The following NREP variants were observed in gnomAD, a reference collection of about 807,000 sequenced individuals.
NREP encodes neuronal regeneration-related protein.
In NREP, 5 loss-of-function variants were observed where a neutral mutation model predicts 8.6. The ratio of observed to expected loss-of-function variants is 0.58; its 90% confidence interval spans 0.30 to 1.22. The LOEUF (loss-of-function observed/expected upper bound fraction) is 1.22, where lower values mean the gene tolerates loss of function less well. Ranked by LOEUF, NREP falls within the 50% of genes most tolerant of loss-of-function variation. The probability of loss-of-function intolerance (pLI) is 0.07; values close to 1 mark genes in which losing one functional copy is unlikely to be tolerated. For missense variants in NREP, 86 were observed against 82.5 expected (o/e 1.04, Z -0.17); for synonymous variants, 27 against 28.0 (o/e 0.96, Z 0.11).
intron 2 of NREP, chr5:111,738,684 G>A (rs1749378838): frequency 6.6e-6 from 1 of 152,180 alleles, no homozygotes; most frequent in South Asian, 2.1e-4. Flanking sequence ...CAGCAGGGGT[G>A]ATCAATCCAC....
rs1752658872 is a variant in NREP, at chr5:111,827,603, A to G, written c.136-92096T>C. On this transcript the variant is annotated intron_variant, in intron 2 of 3. Transcript: ENST00000395634. Reference sequence around the variant, plus strand: ...TGGGGGTTCACACCTGCAATTTGGGAGGCTGTGGTGGGTGGATCACTTGAG... The same window carrying G: ...TGGGGGTTCACACCTGCAATTTGGGGGGCTGTGGTGGGTGGATCACTTGAG... Among the ~76,000 whole-genome samples the G allele has an allele frequency of 4.6e-5, 7 of 152,178 alleles. No individual in the cohort carries two copies. The South Asian group carries it at 1.4e-3, about 32-fold the overall frequency.
chr5:111,976,785 C>G (rs1756977647), exon 1 of NREP: 1 of 1,531,670 alleles, frequency 6.5e-7, no homozygotes, highest in Non-Finnish European at 8.8e-7. Flanking sequence ...CTTTAAAGGA[C>G]AAAGAAGCTT....
At chr5:111,906,574 C>G (rs1440752952) in intron 2 of NREP, among the ~76,000 whole-genome samples, 1 of 152,046 alleles carries the variant, frequency 6.6e-6, no homozygotes, top group Non-Finnish European at 1.5e-5. Context: ...GATAATAAAG[C>G]ATTTTAGTGA....
intron 2 of NREP, among the ~76,000 whole-genome samples, chr5:111,824,472 T>C (rs1423541972): frequency 6.6e-5 from 10 of 152,228 alleles, no homozygotes. Flanking sequence ...TTAAGTAACC[T>C]AGTCATGGGC....
Position 111,736,120 on chromosome 5 carries a change from C to T in NREP, c.4-613G>A, listed in dbSNP as rs565156005. Among the ~76,000 whole-genome samples, 212 of 152,192 alleles carry T rather than the reference C, an allele frequency of 1.4e-3. 3 individuals are homozygous for T. Among genetic ancestry groups the T allele is most frequent in the Non-Finnish European group, 4.7e-4 (32 of 68,022 alleles). On this transcript the variant is annotated intron_variant, in intron 2 of 3. Transcript: ENST00000257435. ...GAGGGGGTGGAGCGAGGGAGTGGAA[C>T]TGAGTAACTCTTCTTTAAATATACA... is the stretch of plus-strand genomic sequence containing the variant.
At chr5:111,822,661 T>C (rs978055548) in intron 2 of NREP, among the ~76,000 whole-genome samples, 4 of 152,210 alleles carry the variant, frequency 2.6e-5, no homozygotes, top group Non-Finnish European at 4.4e-5. Context: ...TGAAATTTTC[T>C]CCATAACTTT....
exon 1 of NREP, chr5:111,976,761 G>A (rs1004354206): frequency 6.5e-7 from 1 of 1,549,730 alleles, no homozygotes; most frequent in African/African-American, 1.4e-5. Flanking sequence ...TACTGCTTGA[G>A]GATAAAGTTC....
chr5:111,759,962 C>G (rs574254542), upstream of NREP, among the ~76,000 whole-genome samples: 1 of 152,334 alleles, frequency 6.6e-6, no homozygotes, highest in East Asian at 1.9e-4. Flanking sequence ...TATCATCTCT[C>G]TCTCAATCAT....
At chr5:111,948,308 G>A (rs912012451) in intron 2 of NREP, among the ~76,000 whole-genome samples, 22 of 152,108 alleles carry the variant, frequency 1.4e-4, no homozygotes, top group Admixed American at 3.9e-4. Flanking sequence ...GGAGAAAATA[G>A]ACTGCAGTGT....
intron 2 of NREP, among the ~76,000 whole-genome samples, chr5:111,811,470 T>C (rs1051496886): frequency 1.3e-4 from 20 of 152,180 alleles, no homozygotes; most frequent in Middle Eastern, 3.2e-3. Context: ...AACGAAGACT[T>C]TGCTATACCT....
At chr5:111,934,559 T>C (rs1039012967) in intron 2 of NREP, among the ~76,000 whole-genome samples, 4 of 151,912 alleles carry the variant, frequency 2.6e-5, no homozygotes, top group African/African-American at 7.3e-5. Context: ...AAAAGAAAAA[T>C]AGACTAGGCT....
At chr5:111,823,918 CAAGTT>C (rs1210571046) in intron 2 of NREP, among the ~76,000 whole-genome samples, 1 of 152,146 alleles carries the variant, frequency 6.6e-6, no homozygotes, top group Non-Finnish European at 1.5e-5. Context: ...AGGTATTTTA[CAAGTT>C]TAGTTTTAGT....
chr5:111,759,761 C>G (rs539409874), upstream of NREP, among the ~76,000 whole-genome samples: 1 of 152,272 alleles, frequency 6.6e-6, no homozygotes, highest in African/African-American at 2.4e-5. Flanking sequence ...CATGTCACCT[C>G]ACTCAAACTG....
upstream of NREP, among the ~76,000 whole-genome samples, chr5:111,759,768 A>G (rs767921861): frequency 6.6e-6 from 1 of 151,914 alleles, no homozygotes; most frequent in Non-Finnish European, 1.5e-5. Flanking sequence ...CCTCACTCAA[A>G]CTGTAGCTAT....
intron 2 of NREP, among the ~76,000 whole-genome samples, chr5:111,827,965 A>G (rs1284813515): frequency 6.6e-6 from 1 of 152,236 alleles, no homozygotes; most frequent in African/African-American, 2.4e-5. Flanking sequence ...AAACTATTTC[A>G]AATAATGCTT....
chr5:111,805,116 A>T (rs1752111844), intron 2 of NREP, among the ~76,000 whole-genome samples: 1 of 149,434 alleles, frequency 6.7e-6, no homozygotes, highest in African/African-American at 2.6e-5. Flanking sequence ...GTTCAGCTTC[A>T]CTGATGATAA....
intron 2 of NREP, among the ~76,000 whole-genome samples, chr5:111,872,049 CATAT>C (rs1440103600): frequency 1.3e-5 from 2 of 150,118 alleles, no homozygotes; most frequent in African/African-American, 4.9e-5. Context: ...CTATATATAG[CATAT>C]ATAAATAAAT....
chr5:111,810,115 T>C (rs1752237972), intron 2 of NREP, among the ~76,000 whole-genome samples: 1 of 150,776 alleles, frequency 6.6e-6, no homozygotes, highest in African/African-American at 2.4e-5. Flanking sequence ...GAAAGAGGGG[T>C]TGGGGGAGGG....
intron 2 of NREP, among the ~76,000 whole-genome samples, chr5:111,944,362 C>G (rs755166337): frequency 3.3e-5 from 5 of 152,092 alleles, no homozygotes; most frequent in Non-Finnish European, 1.5e-5. Flanking sequence ...AGTTAGAGTG[C>G]AGTGGTACAA....
Sources: allele counts gnomAD v4.1 joint callset (sites outside exome capture counted in the v4.1 genomes callset), GRCh38; gene constraint gnomAD v4.1.1; transcripts MANE v1.5; gene names NCBI Gene and HGNC (gene_info 2026-07-23, HGNC 2026-07-21).